The following ZNF208 variants were observed in gnomAD, a reference collection of about 807,000 sequenced individuals.
ZNF208 encodes the protein zinc finger protein 208.
In ZNF208, 10 loss-of-function variants were observed where a neutral mutation model predicts 12.1. The ratio of observed to expected loss-of-function variants is 0.83; its 90% CI spans 0.51 to 1.40. The LOEUF (loss-of-function observed/expected upper bound fraction) is 1.40. Ranked by LOEUF, ZNF208 falls within the 40% of genes most tolerant of loss-of-function variation. The pLI is 0.00. For missense variants in ZNF208, 1,652 were observed against 1,485.0 expected, an observed-to-expected ratio of 1.11 and a Z score of -1.85; for synonymous variants, 497 against 488.4, an observed-to-expected ratio of 1.02 and a Z score of -0.23.
At position 21,954,047 on chromosome 19, in the gene ZNF208, T is replaced by C. The variant is rs148324803; in HGVS notation, c.305+20682A>G. On this transcript the variant is annotated intron_variant, in intron 4 of 4. Coordinates refer to the ZNF208 transcript ENST00000599916. The stretch of plus-strand genomic sequence containing the variant: ...CTGGTATGTTGTGTCTTTGTTCTCA[T>C]TGGTTTCAAAGAACATCTTTATTTC... Among the ~76,000 whole-genome samples the C allele has an allele frequency of 7.7e-3, 1,176 of 152,364 alleles. 9 individuals carry two copies. The highest frequency in any genetic ancestry group is 0.027 in the African/African-American group (1,102 of 41,578).
intron 1 of ZNF208, among the ~76,000 whole-genome samples, chr19:22,004,211 TA>T (rs1425257530): frequency 6.6e-6 from 1 of 150,788 alleles, no homozygotes; most frequent in African/African-American, 2.4e-5. Flanking sequence ...ACTTTATTAA[TA>T]AACTTAATAA....
intron 4 of ZNF208, among the ~76,000 whole-genome samples, chr19:21,955,565 C>A (rs1281570557): frequency 6.6e-6 from 1 of 152,142 alleles, no homozygotes; most frequent in Non-Finnish European, 1.5e-5. Context: ...CTTCTCACTT[C>A]ATTTCATTAA....
chr19:21,955,110 T>C (rs1469653982), intron 4 of ZNF208, among the ~76,000 whole-genome samples: 1 of 152,250 alleles, frequency 6.6e-6, no homozygotes, highest in Non-Finnish European at 1.5e-5. Flanking sequence ...TGGCTGGATA[T>C]GAAATTCTTG....
rs1969761494 is a variant in ZNF208 at position 21,942,763 on chromosome 19, C to A, written c.306-9526G>T. 1.3e-5 allele frequency among the ~76,000 whole-genome samples: 2 copies of A among 152,078 alleles called. 1 individual carries two copies. Among genetic ancestry groups the A allele is most frequent in the South Asian group, 4.1e-4 (2 of 4,824 alleles). On this transcript the variant is annotated intron_variant, in intron 4 of 4. Coordinates refer to the ZNF208 transcript ENST00000599916. ...TCCTGGGTTCACACAATTCTCCTGC[C>A]TCAACCCCCTGAGTAGCTGGTATTA...
At chr19:21,999,062 T>C (rs1227721435) in intron 1 of ZNF208, among the ~76,000 whole-genome samples, 1 of 26,792 alleles carries the variant, frequency 3.7e-5, no homozygotes, top group Admixed American at 4.0e-4. Context: ...AATTTTATGC[T>C]ATAATTTATA....
In ZNF208 at chr19:21,974,409, C is replaced by G. The variant is rs753993059; in HGVS notation, c.625G>C (p.Ala209Pro). Residue 209 changes from alanine to proline, a missense_variant, in exon 4 of 4, where the codon GCT becomes CCT. Ala to Pro is a conservative substitution (Grantham distance 27, BLOSUM62 -1). This residue lies in a region of ZNF208 where 410 missense variants were observed against 378.2 expected (regional missense o/e 1.08). Transcript: ENST00000397126. ...GTAAGGGTTGAGGACCAGTTAAAAG[C>G]TTTGCCACCTTCTTCACATTTGTAG... is the stretch of plus-strand genomic sequence containing the variant. ...NSYKCEEGGK[A>P]FNWSSTLTYY... 2 of 1,613,718 alleles carry G rather than the reference C, an allele frequency of 1.2e-6. No homozygotes were observed. Among genetic ancestry groups the G allele is most frequent in the Non-Finnish European group, 1.7e-6 (2 of 1,179,830 alleles).
At chr19:21,990,027 G>T (rs1399466290) in intron 1 of ZNF208, among the ~76,000 whole-genome samples, 1 of 152,006 alleles carries the variant, frequency 6.6e-6, no homozygotes, top group East Asian at 1.9e-4. Flanking sequence ...CTCCTGTTTT[G>T]TAGGTTGCCT....
At chr19:21,954,688 T>C (rs1295782999) in intron 4 of ZNF208, among the ~76,000 whole-genome samples, 1 of 152,194 alleles carries the variant, frequency 6.6e-6, no homozygotes, top group Non-Finnish European at 1.5e-5. Flanking sequence ...ATTTGCTTGG[T>C]AGATTTTCCT....
At chr19:21,957,851 A>C (rs1388134054) in intron 4 of ZNF208, among the ~76,000 whole-genome samples, 1 of 151,570 alleles carries the variant, frequency 6.6e-6, no homozygotes, top group African/African-American at 2.4e-5. Flanking sequence ...TATTATTATT[A>C]TACTTTAAGT....
chr19:21,962,296 G>A (rs1214757687), downstream of ZNF208, among the ~76,000 whole-genome samples: 1 of 152,044 alleles, frequency 6.6e-6, no homozygotes. Flanking sequence ...GTTAGCTGAG[G>A]TCTAGCTGTA....
At chr19:21,952,107 C>G (rs1371088015) in intron 4 of ZNF208, among the ~76,000 whole-genome samples, 1 of 152,234 alleles carries the variant, frequency 6.6e-6, no homozygotes, top group Admixed American at 6.5e-5. Context: ...GGGGCATCCA[C>G]CATTGCTGAG....
At position 21,970,565 on chromosome 19, in the gene ZNF208, G is replaced by A. The variant is rs370923661; in HGVS notation, c.*626C>T. On this transcript the variant is annotated 3_prime_UTR_variant, in exon 4 of 4. Coordinates refer to ENST00000397126, the MANE Select transcript of ZNF208 (RefSeq NM_007153.3). ...TGAATTCTTTTATGAGTAGTAAGGT[G>A]TGAGGACCAGTTGAAGTCTTTATCA... The A allele has an allele frequency of 7.5e-5, 53 of 709,598 alleles. No homozygotes were observed. Among genetic ancestry groups the A allele is most frequent in the African/African-American group, 6.6e-4 (37 of 55,760 alleles). 44.0% of individuals were successfully genotyped at this position (709,598 alleles called of 1,614,324 possible).
intron 4 of ZNF208, among the ~76,000 whole-genome samples, chr19:21,956,848 C>A (rs189466872): frequency 6.6e-6 from 1 of 152,194 alleles, no homozygotes; most frequent in African/African-American, 2.4e-5. Flanking sequence ...CACTGTCCAA[C>A]AAGCCCCAGT....
intron 1 of ZNF208, among the ~76,000 whole-genome samples, chr19:22,004,684 ATGT>A (rs1156854521): frequency 3.9e-5 from 6 of 152,190 alleles, no homozygotes; most frequent in Non-Finnish European, 5.9e-5. Context: ...AACCAAATGC[ATGT>A]TATTATTTAT....
chr19:21,982,375 A>AG (rs71178797), intron 3 of ZNF208, among the ~76,000 whole-genome samples: 2 of 143,178 alleles, frequency 1.4e-5, no homozygotes, highest in African/African-American at 5.2e-5. Flanking sequence ...AAAAAAAAAA[A>AG]GGAAGAACAT....
At chr19:21,943,702 T>A (rs1969777364) in intron 4 of ZNF208, among the ~76,000 whole-genome samples, 2 of 152,142 alleles carry the variant, frequency 1.3e-5, no homozygotes, top group Admixed American at 6.5e-5. Flanking sequence ...AGGATGGTCA[T>A]TTCTAAGGCT....
chr19:21,972,537 A>G lies in ZNF208; in HGVS notation c.2497T>C (p.Tyr833His). ...HKAIHAGEKP[Y>H]KCKECGKAFS... ...GCTTTGCCACATTCTTTACATTTGT[A>G]GGGCTTTTCTCCAGCATGAATTGCC... Residue 833 changes from tyrosine to histidine, a missense_variant, in exon 4 of 4, where the codon TAC (tyrosine) becomes CAC (histidine). This residue lies in a region of ZNF208 where 1,239 missense variants were observed against 1,086.2 expected (regional missense o/e 1.14). Coordinates refer to ENST00000397126, the MANE Select transcript of ZNF208 (RefSeq NM_007153.3). The G allele has an allele frequency of 6.2e-7, 1 of 1,613,208 alleles. No individual in the cohort carries two copies. The highest frequency in any genetic ancestry group is 1.1e-5 in the South Asian group (1 of 91,030).
intron 1 of ZNF208, among the ~76,000 whole-genome samples, chr19:22,001,903 A>ATC (rs1970958609): frequency 3.0e-5 from 2 of 65,910 alleles, no homozygotes; most frequent in South Asian, 5.5e-4. Flanking sequence ...AAAAAAAAAA[A>ATC]AAAAAAAAAA....
At chr19:21,947,394 C>G (rs1969831120) in intron 4 of ZNF208, among the ~76,000 whole-genome samples, 1 of 152,140 alleles carries the variant, frequency 6.6e-6, no homozygotes. Context: ...TATCAAAACC[C>G]AAACCTCCTT....
Sources: allele counts gnomAD v4.1 joint callset (sites outside exome capture counted in the v4.1 genomes callset), GRCh38; gene constraint gnomAD v4.1.1; regional missense constraint gnomAD v4.1.1; transcripts MANE v1.5; gene names NCBI Gene and HGNC (gene_info 2026-07-23, HGNC 2026-07-21).